WDR45B: variants seen among roughly 807,000 people sequenced by gnomAD.
WDR45B encodes the protein WD repeat domain phosphoinositide-interacting protein 3.
A neutral mutation model predicts 44.6 loss-of-function variants in WDR45B; 20 were observed. That is an observed-to-expected ratio of 0.45 (90% CI 0.32 to 0.65). WDR45B has a LOEUF of 0.65. Ranked by LOEUF, WDR45B falls within the 30% of genes least tolerant of loss-of-function variation. The pLI is 0.05. For synonymous variants in WDR45B, 169 were observed against 164.9 expected (o/e 1.02, Z -0.19); for missense variants, 323 against 430.2 (o/e 0.75, Z 2.20).
chr17:82,632,506 T>C (rs8082435), intron 2 of WDR45B, among the ~76,000 whole-genome samples: 30,999 of 151,922 alleles, frequency 0.2, 3,412 homozygotes, highest in Middle Eastern at 0.25. Context: ...GAGGAAAATG[T>C]CCACAAATTT....
chr17:82,631,275 T>C (rs565147893), intron 2 of WDR45B, among the ~76,000 whole-genome samples: 2,049 of 132,446 alleles, frequency 0.015, 17 homozygotes, highest in South Asian at 0.029. Context: ...AATACAGGAC[T>C]CATTTTTTTT....
chr17:82,626,672 A>C (rs2045702838), intron 4 of WDR45B: 1 of 159,910 alleles, frequency 6.3e-6, no homozygotes, highest in Non-Finnish European at 1.4e-5. Flanking sequence ...ATTAAATAAA[A>C]ACCCAAATGA....
At chr17:82,630,024 CG>C (rs1468959732) in intron 3 of WDR45B, 2 of 978,472 alleles carry the variant, frequency 2.0e-6, no homozygotes, top group Non-Finnish European at 2.4e-6. Context: ...CTGAGACCAC[CG>C]GTGGCCTTCA....
chr17:82,644,233 G>A (rs2045950825), intron 1 of WDR45B: 2 of 601,748 alleles, frequency 3.3e-6, no homozygotes, highest in Non-Finnish European at 3.0e-6. Context: ...CTTTAGCAAA[G>A]GAGTCTTGGA....
chr17:82,647,517 G>C (rs960542853), intron 1 of WDR45B, among the ~76,000 whole-genome samples: 3 of 152,194 alleles, frequency 2.0e-5, no homozygotes, highest in African/African-American at 7.2e-5. Context: ...GGGGAAGGAG[G>C]TCACCTTCCC....
chr17:82,630,627 T>G (rs1340920975), intron 3 of WDR45B, among the ~76,000 whole-genome samples: 1 of 152,204 alleles, frequency 6.6e-6, no homozygotes, highest in Non-Finnish European at 1.5e-5. Context: ...TACCTTGCTT[T>G]AAAATGAATT....
intron 4 of WDR45B, chr17:82,625,871 T>C (rs2045690194): frequency 3.6e-6 from 1 of 276,774 alleles, no homozygotes; most frequent in Admixed American, 5.0e-5. Flanking sequence ...GGCTCAAGCG[T>C]TTGCATTATT....
chr17:82,632,555 C>T (rs1285456811), intron 2 of WDR45B, among the ~76,000 whole-genome samples: 1 of 152,118 alleles, frequency 6.6e-6, no homozygotes, highest in Non-Finnish European at 1.5e-5. Context: ...CCAATGCTCT[C>T]TGAGGGGAGC....
At chr17:82,623,772 T>C (rs2045652883) in intron 5 of WDR45B, among the ~76,000 whole-genome samples, 1 of 150,520 alleles carries the variant, frequency 6.6e-6, no homozygotes, top group Non-Finnish European at 1.5e-5. Context: ...GGGCAAAACA[T>C]CTGGGGCACT....
chr17:82,643,595 A>G (rs904072181), intron 2 of WDR45B, among the ~76,000 whole-genome samples: 2 of 152,186 alleles, frequency 1.3e-5, no homozygotes, highest in African/African-American at 4.8e-5. Context: ...CCAGACATAA[A>G]GCACCACTTA....
chr17:82,623,468 G>A (rs1393845223), intron 5 of WDR45B, among the ~76,000 whole-genome samples: 7 of 150,890 alleles, frequency 4.6e-5, no homozygotes, highest in East Asian at 2.0e-4. Context: ...TTGGGAGGCC[G>A]AGGCAGGTGG....
chr17:82,637,141 T>A (rs1056082799), intron 2 of WDR45B, among the ~76,000 whole-genome samples: 1 of 152,008 alleles, frequency 6.6e-6, no homozygotes, highest in Non-Finnish European at 1.5e-5. Context: ...GCACTGAGCA[T>A]TTATTTATTC....
At chr17:82,616,188 G>A (rs1329054596) in intron 9 of WDR45B, among the ~76,000 whole-genome samples, 163 bp from the exon 10 acceptor site, 4 of 152,188 alleles carry the variant, frequency 2.6e-5, no homozygotes, top group Admixed American at 1.3e-4. Flanking sequence ...GGTCGGCACC[G>A]TGGCCGGGAA....
chr17:82,618,287 G>A (rs1206147879), intron 7 of WDR45B, among the ~76,000 whole-genome samples: 1 of 152,240 alleles, frequency 6.6e-6, no homozygotes, highest in Non-Finnish European at 1.5e-5. Context: ...AGCCAAGGGG[G>A]AGGCACCAGG....
At chr17:82,645,228 G>C (rs761703880) in intron 1 of WDR45B, among the ~76,000 whole-genome samples, 1 of 151,856 alleles carries the variant, frequency 6.6e-6, no homozygotes, top group African/African-American at 2.4e-5. Flanking sequence ...AACCCAGGAG[G>C]GGGAGGTTGC....
At position 82,619,091 on chromosome 17, in the gene WDR45B, T is replaced by C; in HGVS notation, c.656A>G (p.His219Arg). The C allele has an allele frequency of 6.2e-7, 1 of 1,614,220 alleles. No homozygotes were observed. Residue 219 changes from histidine to arginine, a missense_variant, in exon 7 of 10, where the codon CAT becomes CGT. Physicochemically the swap from His to Arg is conservative, Grantham distance 29. Transcript: ENST00000392325. ...TCCTCTTCGCAGTTCCTGGATTAAA[T>C]GCCCTGATGAAGTATCAAATATTCT... ...LIRIFDTSSGHLIQELRRGSQ... is the reference protein window; with the variant it reads ...LIRIFDTSSGRLIQELRRGSQ...
chr17:82,627,343 TG>T, intron 3 of WDR45B, 52 bp from the exon 4 acceptor site: 2 of 1,465,658 alleles, frequency 1.4e-6, no homozygotes, highest in Non-Finnish European at 1.9e-6. Flanking sequence ...GCCATGGCGC[TG>T]GGATGCAGCG....
chr17:82,644,824 G>A (rs1247140893), intron 1 of WDR45B, among the ~76,000 whole-genome samples: 1 of 152,176 alleles, frequency 6.6e-6, no homozygotes, highest in Non-Finnish European at 1.5e-5. Flanking sequence ...TCTTTCCAAT[G>A]ACTGCACAAG....
intron 2 of WDR45B, among the ~76,000 whole-genome samples, chr17:82,638,309 G>T (rs2045866729): frequency 7.3e-6 from 1 of 136,698 alleles, no homozygotes; most frequent in Admixed American, 7.2e-5. Flanking sequence ...GAAAAGAAAG[G>T]AAGGAAGGTG....
Sources: allele counts gnomAD v4.1 joint callset (sites outside exome capture counted in the v4.1 genomes callset), GRCh38; gene constraint gnomAD v4.1.1; transcripts MANE v1.5; gene names NCBI Gene and HGNC (gene_info 2026-07-23, HGNC 2026-07-21).